TUBA4A: variants seen among roughly 807,000 people sequenced by gnomAD.
The protein encoded by TUBA4A is tubulin alpha 4a.
Under a neutral mutation model 34.3 loss-of-function variants are expected in TUBA4A, and 23 were observed. That is an observed-to-expected ratio of 0.67 (90% CI 0.48 to 0.95). The LOEUF (loss-of-function observed/expected upper bound fraction) is 0.95. Among genes scored for constraint, TUBA4A ranks in the 40% least tolerant of loss-of-function variants. The probability of loss-of-function intolerance (pLI) is 0.00; values close to 1 mark genes in which losing one functional copy is unlikely to be tolerated. For missense variants in TUBA4A, 279 were observed against 599.0 expected (o/e 0.47, Z 5.58); for synonymous variants, 216 against 230.5 (o/e 0.94, Z 0.57).
At chr2:219,253,468 T>G in intron 1 of TUBA4A, 1 of 1,393,740 alleles carries the variant, frequency 7.2e-7, no homozygotes, top group Non-Finnish European at 9.8e-7. Flanking sequence ...GCTCGGTCAG[T>G]GCTGAGGACC....
At position 219,250,608 on chromosome 2, in the gene TUBA4A, G is replaced by C. The variant is rs1951631214; in HGVS notation, c.1091C>G (p.Pro364Arg). ...GINYQPPTVV[P>R]GGDLAKVQRA... ...CTGCACCTTGGCCAGGTCACCCCCA[G>C]GCACCACAGTGGGAGGCTGGTAGTT... The change falls in exon 4 of 4, where the codon CCT becomes CGT. Residue 364 changes from proline to arginine, a missense_variant. Coordinates refer to ENST00000248437, the MANE Select transcript of TUBA4A (RefSeq NM_006000.3). The surrounding 1 kb of genome is among the most constrained non-coding windows in gnomAD (Gnocchi z 8.4). 1.2e-6 allele frequency: 2 copies of C among 1,614,264 alleles called. No homozygotes were observed. The highest frequency in any genetic ancestry group is 4.5e-5 in the East Asian group (2 of 44,886).
rs1205788342 is a variant in TUBA4A at position 219,252,172 on chromosome 2, C to T, written c.62G>A (p.Trp21Ter). Reference sequence around the variant, plus strand: ...CCCATGTTCCAAGCAATAGAGCTCCCAGCAGGCATTGCCCATCTGGACACC... The same window carrying T: ...CCCATGTTCCAAGCAATAGAGCTCCTAGCAGGCATTGCCCATCTGGACACC... Reference protein sequence around the residue: ...QAGVQMGNACWELYCLEHGIQ... With the variant: ...QAGVQMGNAC Residue 21 changes from tryptophan to a stop codon, truncating the protein, a stop_gained, in exon 2 of 4, where the codon TGG becomes TAG. Coordinates refer to ENST00000248437, the MANE Select transcript of TUBA4A (RefSeq NM_006000.3). LOFTEE classifies it high-confidence loss of function. This position sits in a 1 kb window ranked among gnomAD's most constrained non-coding sequence, Gnocchi z 4.1. The T allele has an allele frequency of 6.2e-7, 1 of 1,614,182 alleles. No homozygotes were observed. Among genetic ancestry groups the T allele is most frequent in the Non-Finnish European group, 8.5e-7 (1 of 1,180,022 alleles).
rs1311501360 is a variant in TUBA4A, at chr2:219,249,733, G to A, written c.*619C>T. The stretch of plus-strand genomic sequence containing the variant: ...AGGGGAGATGACCTGACTTTTAATG[G>A]CACAGCCCCAGCTCCAGCAAAGCAG... On this transcript the variant is annotated 3_prime_UTR_variant, in exon 4 of 4. Coordinates refer to ENST00000248437, the MANE Select transcript of TUBA4A (RefSeq NM_006000.3). 1.3e-5 allele frequency: 2 copies of A among 152,734 alleles called. No individual in the cohort carries two copies. Among genetic ancestry groups the A allele is most frequent in the African/African-American group, 2.4e-5 (1 of 41,442 alleles). 9.5% of individuals were successfully genotyped at this position (152,734 alleles called of 1,614,324 possible).
rs1553571369 is a variant in TUBA4A, at chr2:219,253,359, G to GT, written c.3+496_3+497insA. On this transcript the variant is annotated intron_variant, in intron 1 of 3. Coordinates refer to ENST00000248437, the MANE Select transcript of TUBA4A (RefSeq NM_006000.3). ...AGACGCGGGGTGCTGAGTCACGGGG[G>GT]GGGGGTGGTTCTGTGGATAGTTGGA... The GT allele has an allele frequency of 3.3e-6, 5 of 1,531,852 alleles. 1 individual carries two copies. The African/African-American group carries it at 4.2e-5, about 13-fold the overall frequency. The allele number at this position is 1,531,852 out of a possible 1,614,324, so 94.9% of individuals were successfully genotyped here.
intron 1 of TUBA4A, chr2:219,253,456 G>C (rs1381902282): frequency 6.9e-7 from 1 of 1,444,530 alleles, no homozygotes; most frequent in East Asian, 2.5e-5. Context: ...CGCCAAGCAC[G>C]TGCTCGGTCA....
intron 1 of TUBA4A, chr2:219,253,291 G>A (rs1476543244): frequency 1.3e-6 from 2 of 1,507,068 alleles, no homozygotes; most frequent in African/African-American, 2.8e-5. Context: ...GGGCCAGCTC[G>A]CTTCAGGAGG....
At position 219,252,270 on chromosome 2, in the gene TUBA4A, T is replaced by G. The variant is rs1279728341; in HGVS notation, c.4-40A>C. ...GAGGGGACACAGCATGAGCCCCACA[T>G]CCACAAGTCCTCACCTTGCGAGTCT... On this transcript the variant is annotated intron_variant, in intron 1 of 3. Transcript: ENST00000248437. This position sits in a 1 kb window ranked among gnomAD's most constrained non-coding sequence, Gnocchi z 4.1. The G allele has an allele frequency of 1.3e-6, 2 of 1,567,074 alleles. No homozygotes were observed. Among genetic ancestry groups the G allele is most frequent in the Non-Finnish European group, 1.8e-6 (2 of 1,139,986 alleles).
chr2:219,250,129 C>A lies in TUBA4A; in HGVS notation c.*223G>T. 1 of 669,306 alleles carries A rather than the reference C, an allele frequency of 1.5e-6. No individual in the cohort carries two copies. Among genetic ancestry groups the A allele is most frequent in the Non-Finnish European group, 2.6e-6 (1 of 391,348 alleles). The allele number at this position is 669,306 out of a possible 1,614,324, so 41.5% of individuals were successfully genotyped here. The stretch of plus-strand genomic sequence containing the variant: ...TAACCCTAGGACTTCAATTTAAAGT[C>A]CCTGGGGTTATGCTTCCTGGGCCTG... On this transcript the variant is annotated 3_prime_UTR_variant, in exon 4 of 4. Transcript: ENST00000248437. The surrounding 1 kb of genome is among the most constrained non-coding windows in gnomAD (Gnocchi z 8.4).
chr2:219,253,428 AC>A, intron 1 of TUBA4A: 1 of 1,509,282 alleles, frequency 6.6e-7, no homozygotes, highest in Middle Eastern at 1.7e-4. Context: ...AGGTAACCTG[AC>A]CCCTTCCACC....
chr2:219,252,337 G>T lies in TUBA4A; in HGVS notation c.4-107C>A. The stretch of plus-strand genomic sequence containing the variant: ...TCTACCAGCTAGGATGACTCAGTTG[G>T]CAAGAGTGGAGGGTTGGGGCTGGGC... On this transcript the variant is annotated intron_variant, in intron 1 of 3. Transcript: ENST00000248437. The surrounding 1 kb of genome is among the most constrained non-coding windows in gnomAD (Gnocchi z 4.1). The T allele has an allele frequency of 1.8e-6, 2 of 1,117,008 alleles. No individual in the cohort carries two copies. The highest frequency in any genetic ancestry group is 2.6e-6 in the Non-Finnish European group (2 of 775,244). The allele number at this position is 1,117,008 out of a possible 1,614,324, so 69.2% of individuals were successfully genotyped here. A position where few individuals can be genotyped will look rare whatever the true frequency, so the allele number is the denominator to read the frequency against.
intron 1 of TUBA4A, chr2:219,253,527 C>T (rs1951683865): frequency 2.1e-6 from 2 of 959,794 alleles, no homozygotes; most frequent in Admixed American, 4.1e-5. Flanking sequence ...CTTTTGCCCG[C>T]GGAAAGGACG....
Position 219,253,286 on chromosome 2 carries a change from A to G in TUBA4A, c.3+570T>C, listed in dbSNP as rs1951678667. On this transcript the variant is annotated intron_variant, in intron 1 of 3. Coordinates refer to ENST00000248437, the MANE Select transcript of TUBA4A (RefSeq NM_006000.3). ...ACCCGGGCTTCGGCTGGAGAGGGCCAGCTCGCTTCAGGAGGCCGAACCCCG... is the reference window on the plus strand; with the variant it reads ...ACCCGGGCTTCGGCTGGAGAGGGCCGGCTCGCTTCAGGAGGCCGAACCCCG... 2.1e-5 allele frequency: 32 copies of G among 1,502,758 alleles called. No individual in the cohort carries two copies. In the South Asian group the frequency reaches 3.4e-4, roughly 16 times the overall value. 93.1% of individuals were successfully genotyped at this position (1,502,758 alleles called of 1,614,324 possible).
chr2:219,252,593 A>G lies in TUBA4A; in HGVS notation c.4-363T>C, dbSNP rs1951666447. ...CTTTGAGTATGAACAGCTAGAATTC[A>G]TAGAACCCTTTCCCTCTTTCTTTCC... On this transcript the variant is annotated intron_variant, in intron 1 of 3. Coordinates refer to ENST00000248437, the MANE Select transcript of TUBA4A (RefSeq NM_006000.3). This position sits in a 1 kb window ranked among gnomAD's most constrained non-coding sequence, Gnocchi z 4.1. 6.7e-6 allele frequency among the ~76,000 whole-genome samples: 1 copy of G among 148,772 alleles called. No homozygotes were observed. Among genetic ancestry groups the G allele is most frequent in the Non-Finnish European group, 1.5e-5 (1 of 67,374 alleles).
chr2:219,250,559 G>A lies in TUBA4A; in HGVS notation c.1140C>T (p.Asn380=), dbSNP rs746135853. The A allele has an allele frequency of 1.2e-6, 2 of 1,614,244 alleles. No individual in the cohort carries two copies. Among genetic ancestry groups the A allele is most frequent in the Non-Finnish European group, 8.5e-7 (1 of 1,180,046 alleles). Residue 380 remains asparagine, a synonymous_variant, in exon 4 of 4, where the codon AAC becomes AAT. Transcript: ENST00000248437. This position sits in a 1 kb window ranked among gnomAD's most constrained non-coding sequence, Gnocchi z 8.4. Reference sequence around the variant, plus strand: ...CCCAGGCCTCGGCGATGGCGGTCGTGTTGCTCAGCATGCACACGGCACGCT... The same window carrying A: ...CCCAGGCCTCGGCGATGGCGGTCGTATTGCTCAGCATGCACACGGCACGCT... ...KVQRAVCMLS[N]TTAIAEAWAR...
At chr2:219,253,309 C>T in intron 1 of TUBA4A, 1 of 1,522,768 alleles carries the variant, frequency 6.6e-7, no homozygotes. Context: ...AGGCCGAACC[C>T]CGTTCCCACC....
Position 219,251,979 on chromosome 2 carries a change from C to T in TUBA4A, c.226+29G>A. 1 of 1,602,992 alleles carries T rather than the reference C, an allele frequency of 6.2e-7. No homozygotes were observed. The highest frequency in any genetic ancestry group is 8.5e-7 in the Non-Finnish European group (1 of 1,170,134). On this transcript the variant is annotated intron_variant, in intron 2 of 3. Transcript: ENST00000248437. This position sits in a 1 kb window ranked among gnomAD's most constrained non-coding sequence, Gnocchi z 6.1. ...AGAAGCTTTGAGTCATGCTCCACCC[C>T]CTTCAATTTTGTCCCCACTTCCTCT...
rs369702809 is a variant in TUBA4A at position 219,253,359 on chromosome 2, G to A, written c.3+497C>T. 8.6e-4 allele frequency: 1,316 copies of A among 1,531,970 alleles called. 9 individuals are homozygous for A. The African/African-American group carries it at 0.016, about 19-fold the overall frequency. The allele number at this position is 1,531,970 out of a possible 1,614,324, so 94.9% of individuals were successfully genotyped here. On this transcript the variant is annotated intron_variant, in intron 1 of 3. Coordinates refer to ENST00000248437, the MANE Select transcript of TUBA4A (RefSeq NM_006000.3). ...AGACGCGGGGTGCTGAGTCACGGGG[G>A]GGGGGTGGTTCTGTGGATAGTTGGA...
In TUBA4A at chr2:219,251,420, A is replaced by G; in HGVS notation, c.376-97T>C. On this transcript the variant is annotated intron_variant, in intron 3 of 3. Coordinates refer to ENST00000248437, the MANE Select transcript of TUBA4A (RefSeq NM_006000.3). The surrounding 1 kb of genome is among the most constrained non-coding windows in gnomAD (Gnocchi z 6.1). The stretch of plus-strand genomic sequence containing the variant: ...TAAAGCGTAAGATACATCAGCAGTC[A>G]GGGCAAATACTGAGGATGCCATAGC... 1.3e-5 allele frequency: 20 copies of G among 1,537,680 alleles called. No individual in the cohort carries two copies. In the South Asian group the frequency reaches 2.4e-4, roughly 19 times the overall value.
chr2:219,250,887 G>T lies in TUBA4A; in HGVS notation c.812C>A (p.Thr271Asn). The T allele has an allele frequency of 6.2e-7, 1 of 1,614,186 alleles. No homozygotes were observed. The highest frequency in any genetic ancestry group is 8.5e-7 in the Non-Finnish European group (1 of 1,180,046). Residue 271 changes from threonine to asparagine, a missense_variant, in exon 4 of 4, where the codon ACC (threonine) becomes AAC (asparagine). Around this residue, in one of 3 missense-constraint regions of TUBA4A, gnomAD observed 108 missense variants for 299.9 expected, o/e 0.36. Transcript: ENST00000248437. This position sits in a 1 kb window ranked among gnomAD's most constrained non-coding sequence, Gnocchi z 8.4. Reference sequence around the variant, plus strand: ...TTCTGCAGAGATGACTGGTGCATAGGTGGCCAGGGGGAAGTGGATGCGAGG... The same window carrying T: ...TTCTGCAGAGATGACTGGTGCATAGTTGGCCAGGGGGAAGTGGATGCGAGG... ...PYPRIHFPLATYAPVISAEKA... is the reference protein window; with the variant it reads ...PYPRIHFPLANYAPVISAEKA...
Sources: gnomAD v4.1 joint callset for allele counts (sites outside exome capture counted in the v4.1 genomes callset) on GRCh38, gnomAD v4.1.1 for gene constraint, gnomAD v4.1.1 regional missense constraint, Gnocchi (gnomAD v3.1) non-coding constraint, MANE v1.5 for transcripts, NCBI Gene and HGNC (gene_info 2026-07-23, HGNC 2026-07-21) for gene names.